XXYLT1: variants seen among roughly 807,000 people sequenced by gnomAD.
XXYLT1 encodes the protein UDP-xylose:alpha-xyloside alpha-1,3-xylosyltransferase.
In XXYLT1, 20 loss-of-function variants were observed where a neutral mutation model predicts 28.9. That is an observed-to-expected ratio of 0.69 (90% confidence interval 0.49 to 1.00). The LOEUF is 1.00. Among genes scored for constraint, XXYLT1 ranks in the 50% least tolerant of loss-of-function variants. The probability of loss-of-function intolerance (pLI) is 0.00; values close to 1 mark genes in which losing one functional copy is unlikely to be tolerated. For synonymous variants in XXYLT1, 257 were observed against 253.8 expected, an observed-to-expected ratio of 1.01 and a Z score of -0.12; for missense variants, 542 against 560.1, an observed-to-expected ratio of 0.97 and a Z score of 0.33.
At chr3:195,184,691 C>T (rs750003347) in intron 2 of XXYLT1, 13 of 985,272 alleles carry the variant, frequency 1.3e-5, no homozygotes, top group Non-Finnish European at 1.6e-5. Context: ...CTTCCCCACC[C>T]CACACACAGC....
intron 1 of XXYLT1, among the ~76,000 whole-genome samples, chr3:195,228,486 CTTTTTTTTTTTT>C (rs897820464): frequency 8.3e-5 from 10 of 120,180 alleles, no homozygotes; most frequent in Admixed American, 2.7e-4. Flanking sequence ...CTATATTTCA[CTTTTTTTTTTTT>C]TTTTTTTTTT....
intron 1 of XXYLT1, among the ~76,000 whole-genome samples, chr3:195,265,438 C>A (rs6791943): frequency 0.85 from 129,480 of 152,072 alleles, 55,251 homozygotes; most frequent in East Asian, 0.95. Flanking sequence ...TTGCGTTAGA[C>A]AAGAGATTCG....
Position 195,115,499 on chromosome 3 carries a change from CCTT to C in XXYLT1, c.785+40947_785+40949del, listed in dbSNP as rs1426190824. 3.9e-5 allele frequency among the ~76,000 whole-genome samples: 6 copies of C among 152,226 alleles called. No individual in the cohort carries two copies. The highest frequency in any genetic ancestry group is 2.9e-5 in the Non-Finnish European group (2 of 68,040). The stretch of plus-strand genomic sequence containing the variant: ...AAGCACCTAATTCCAACAAGAAACT[CCTT>C]CTGCTTACACCACCTGGAGTGGTTT... On this transcript the variant is annotated intron_variant, in intron 3 of 3. Transcript: ENST00000310380. The surrounding 1 kb of genome is among the most constrained non-coding windows in gnomAD (Gnocchi z 4.2).
intron 2 of XXYLT1, among the ~76,000 whole-genome samples, chr3:195,223,474 C>T (rs750344982): frequency 1.3e-5 from 2 of 152,118 alleles, no homozygotes; most frequent in African/African-American, 2.4e-5. Context: ...TGGAGAAAAA[C>T]GAATGCTATG....
chr3:195,175,983 GTCA>G lies in XXYLT1; in HGVS notation c.653-19405_653-19403del, dbSNP rs1228873566. ...TTAGTCTAGCCTTACTAACACAGAG[GTCA>G]TCAGTGTATACGTAGCAGCTTAAGT... On this transcript the variant is annotated intron_variant, in intron 2 of 3. Coordinates refer to ENST00000310380, the MANE Select transcript of XXYLT1 (RefSeq NM_152531.5). 1.5e-5 allele frequency: 18 copies of G among 1,172,742 alleles called. No individual in the cohort carries two copies. In the African/African-American group the frequency reaches 2.5e-4, roughly 16 times the overall value. 72.6% of individuals were successfully genotyped at this position (1,172,742 alleles called of 1,614,324 possible). A position where few individuals can be genotyped will look rare whatever the true frequency, so the allele number is the denominator to read the frequency against.
intron 3 of XXYLT1, among the ~76,000 whole-genome samples, chr3:195,110,624 G>A (rs1000680603): frequency 4.3e-3 from 69 of 16,000 alleles, no homozygotes; most frequent in Admixed American, 1.0e-2. Flanking sequence ...TGTGTGGTGT[G>A]TGTGTGGTGT....
At chr3:195,088,543 G>C (rs1462065352) in intron 3 of XXYLT1, among the ~76,000 whole-genome samples, 24 of 124,956 alleles carry the variant, frequency 1.9e-4, no homozygotes, top group Middle Eastern at 3.9e-3. Flanking sequence ...CATCATCAAA[G>C]ACCAAAAGTA....
rs140686308 is a variant in XXYLT1, at chr3:195,264,477, G to A, written c.504+6078C>T. 4.9e-3 allele frequency among the ~76,000 whole-genome samples: 740 copies of A among 152,300 alleles called. 6 individuals carry two copies. Among genetic ancestry groups the A allele is most frequent in the African/African-American group, 0.016 (679 of 41,554 alleles). On this transcript the variant is annotated intron_variant, in intron 1 of 3. Transcript: ENST00000310380. The stretch of plus-strand genomic sequence containing the variant: ...CACCTTATCCGTGGAGCCATCCCTG[G>A]CCACCCGTGCACCACGGCGAACAAC...
At chr3:195,200,153 C>T (rs1722790141) in intron 2 of XXYLT1, among the ~76,000 whole-genome samples, 1 of 152,232 alleles carries the variant, frequency 6.6e-6, no homozygotes, top group East Asian at 1.9e-4. Context: ...CTCTGCAAGA[C>T]CTTCCAAATC....
At chr3:195,248,758 G>C (rs1476749076) in intron 1 of XXYLT1, among the ~76,000 whole-genome samples, 1 of 152,058 alleles carries the variant, frequency 6.6e-6, no homozygotes, top group Non-Finnish European at 1.5e-5. Context: ...TCTCTACTAA[G>C]AAAATACAAA....
rs189490492 is a variant in XXYLT1, at chr3:195,235,829, G to T, written c.505-8973C>A. Among the ~76,000 whole-genome samples the T allele has an allele frequency of 7.6e-3, 1,090 of 143,050 alleles. 14 individuals carry two copies. Among genetic ancestry groups the T allele is most frequent in the African/African-American group, 0.026 (1,054 of 40,970 alleles). 93.8% of individuals were successfully genotyped at this position (143,050 alleles called of 152,430 possible). A position where few individuals can be genotyped will look rare whatever the true frequency, so the allele number is the denominator to read the frequency against. On this transcript the variant is annotated intron_variant, in intron 1 of 3. Transcript: ENST00000310380. ...TAGATCACATCTGGAAGAATTCTCC[G>T]AATTACTTGTTCTCTTCCCTATCTC...
intron 3 of XXYLT1, among the ~76,000 whole-genome samples, chr3:195,089,954 A>T (rs1716037737): frequency 6.6e-6 from 1 of 152,004 alleles, no homozygotes; most frequent in Non-Finnish European, 1.5e-5. Context: ...TGGTAAAGGG[A>T]TCAATTCAAC....
intron 3 of XXYLT1, among the ~76,000 whole-genome samples, chr3:195,106,079 T>C (rs1444955950): frequency 6.6e-6 from 1 of 152,210 alleles, no homozygotes; most frequent in African/African-American, 2.4e-5. Flanking sequence ...TTAAACGTGG[T>C]CTCTTTATCC....
At chr3:195,231,786 G>A (rs1368731793) in intron 1 of XXYLT1, among the ~76,000 whole-genome samples, 1 of 150,734 alleles carries the variant, frequency 6.6e-6, no homozygotes, top group Non-Finnish European at 1.5e-5. Flanking sequence ...TGCTGACTTT[G>A]GTTTGTTAGC....
rs531787137 is a variant in XXYLT1 at position 195,076,858 on chromosome 3, C to T, written c.786-6747G>A. Among the ~76,000 whole-genome samples the T allele has an allele frequency of 2.0e-5, 3 of 152,178 alleles. No homozygotes were observed. Among genetic ancestry groups the T allele is most frequent in the East Asian group, 1.9e-4 (1 of 5,188 alleles). ...TATCAAGACGCCAGCCATAAGGATC[C>T]GGGCCTGCCCTACCCCAGCAGAACC... On this transcript the variant is annotated intron_variant, in intron 3 of 3. Transcript: ENST00000310380. The surrounding 1 kb of genome is among the most constrained non-coding windows in gnomAD (Gnocchi z 5.3).
rs1718498330 is a variant in XXYLT1, at chr3:195,124,063, G to C, written c.785+32386C>G. 6.6e-6 allele frequency among the ~76,000 whole-genome samples: 1 copy of C among 152,198 alleles called. No individual in the cohort carries two copies. The highest frequency in any genetic ancestry group is 2.4e-5 in the African/African-American group (1 of 41,444). On this transcript the variant is annotated intron_variant, in intron 3 of 3. Coordinates refer to ENST00000310380, the MANE Select transcript of XXYLT1 (RefSeq NM_152531.5). The surrounding 1 kb of genome is among the most constrained non-coding windows in gnomAD (Gnocchi z 4.1). Reference sequence around the variant, plus strand: ...GTGTGCTCCGTGAATCTAGAAGAGGGGGAATAAAATGTACGTATTTCTCAA... The same window carrying C: ...GTGTGCTCCGTGAATCTAGAAGAGGCGGAATAAAATGTACGTATTTCTCAA...
chr3:195,226,937 A>ACAGAGG (rs1724082427), intron 1 of XXYLT1, 81 bp from the exon 2 acceptor site: 2 of 1,532,074 alleles, frequency 1.3e-6, no homozygotes, highest in African/African-American at 1.4e-5. Flanking sequence ...ACCTGGGCCC[A>ACAGAGG]CAGAGGCAGA....
At chr3:195,107,474 C>CAA (rs372671595) in intron 3 of XXYLT1, among the ~76,000 whole-genome samples, 3,077 of 45,616 alleles carry the variant, frequency 0.067, 512 homozygotes, top group East Asian at 0.19. Flanking sequence ...AACTCCGTCT[C>CAA]AAAAAAAAAA....
chr3:195,177,854 G>A (rs558626631), intron 2 of XXYLT1, among the ~76,000 whole-genome samples: 1 of 151,334 alleles, frequency 6.6e-6, no homozygotes, highest in African/African-American at 2.4e-5. Flanking sequence ...GTAATTGCTT[G>A]AGTCCAGGAG....
Sources: allele counts gnomAD v4.1 joint callset (sites outside exome capture counted in the v4.1 genomes callset), GRCh38; gene constraint gnomAD v4.1.1; non-coding constraint Gnocchi (gnomAD v3.1); transcripts MANE v1.5; gene names NCBI Gene and HGNC (gene_info 2026-07-23, HGNC 2026-07-21).